Variants in SLC5A10 observed in about 807,000 individuals in gnomAD.
SLC5A10 encodes the protein solute carrier family 5 member 10, also known as sodium/mannose cotransporter SLC5A10.
SLC5A10 carries 55 observed loss-of-function variants against 68.9 expected under a neutral mutation model. That is an observed-to-expected ratio of 0.80 (90% CI 0.64 to 1.00). The LOEUF (loss-of-function observed/expected upper bound fraction) is 1.00, where lower values mean the gene tolerates loss of function less well. Among genes scored for constraint, SLC5A10 ranks in the 50% least tolerant of loss-of-function variants. The pLI, the probability that SLC5A10 is intolerant of heterozygous loss-of-function variation, is 0.00. For missense variants in SLC5A10, 732 were observed against 819.3 expected (o/e 0.89, Z 1.30); for synonymous variants, 344 against 344.8 (o/e 1.00, Z 0.02).
chr17:18,959,170 T>C lies in SLC5A10; in HGVS notation c.219T>C (p.Ser73=). Residue 73 remains serine, a synonymous_variant, in exon 3 of 15, where the codon TCT becomes TCC. Transcript: ENST00000395645. The stretch of plus-strand genomic sequence containing the variant: ...CCCTCTTCGCCAGCAGCGAGGGCTC[T>C]GGCCTCTTCATTGGACTGGCGGGCT... ...GASLFASSEG[S]GLFIGLAGSG... The C allele has an allele frequency of 1.2e-6, 2 of 1,613,918 alleles. No homozygotes were observed. Among genetic ancestry groups the C allele is most frequent in the Admixed American group, 1.7e-5 (1 of 60,032 alleles).
chr17:18,952,760 C>T (rs564844255), intron 1 of SLC5A10, among the ~76,000 whole-genome samples: 53 of 152,248 alleles, frequency 3.5e-4, no homozygotes, highest in Non-Finnish European at 5.9e-4. Context: ...TTATTTTGAA[C>T]AAGCTCCCTG....
Position 18,971,481 on chromosome 17 carries a change from C to G in SLC5A10, c.846+263C>G, listed in dbSNP as rs199997614. On this transcript the variant is annotated intron_variant, in intron 8 of 14. Transcript: ENST00000395645. The surrounding 1 kb of genome is among the most constrained non-coding windows in gnomAD (Gnocchi z 5.5). Reference sequence around the variant, plus strand: ...TGAGACAGTTTGGAGTATGGGATTCCGAAGGGACTCGGATGCTCCTCGGTG... The same window carrying G: ...TGAGACAGTTTGGAGTATGGGATTCGGAAGGGACTCGGATGCTCCTCGGTG... The G allele has an allele frequency of 4.3e-6, 7 of 1,613,892 alleles. No individual in the cohort carries two copies. Among genetic ancestry groups the G allele is most frequent in the Non-Finnish European group, 5.9e-6 (7 of 1,180,046 alleles).
At position 19,003,497 on chromosome 17, in the gene SLC5A10, C is replaced by A. The variant is rs1362571756; in HGVS notation, c.983-9913C>A. On this transcript the variant is annotated intron_variant, in intron 9 of 14. Coordinates refer to ENST00000395645, the MANE Select transcript of SLC5A10 (RefSeq NM_001042450.4). The surrounding 1 kb of genome is among the most constrained non-coding windows in gnomAD (Gnocchi z 4.5). ...CCGGTGGCTGGTTGGGCCATGGCTC[C>A]AGGAGTCCCCGCGCTGCCTCACCTT... is the stretch of plus-strand genomic sequence containing the variant. 6.6e-7 allele frequency: 1 copy of A among 1,514,990 alleles called. No individual in the cohort carries two copies. The allele number at this position is 1,514,990 out of a possible 1,614,324, so 93.8% of individuals were successfully genotyped here. A position where few individuals can be genotyped will look rare whatever the true frequency, so the allele number is the denominator to read the frequency against.
chr17:18,993,455 G>A (rs1284927409), intron 9 of SLC5A10, among the ~76,000 whole-genome samples: 1 of 152,140 alleles, frequency 6.6e-6, no homozygotes, highest in Non-Finnish European at 1.5e-5. Flanking sequence ...TTTCCAACCT[G>A]CACGTGACAA....
At chr17:19,016,834 C>T (rs1196283407) in intron 11 of SLC5A10, among the ~76,000 whole-genome samples, 2 of 152,194 alleles carry the variant, frequency 1.3e-5, no homozygotes, top group Admixed American at 6.5e-5. Context: ...TGTGTCTCCT[C>T]TGAGGCCAGA....
At position 18,971,706 on chromosome 17, in the gene SLC5A10, T is replaced by C; in HGVS notation, c.846+488T>C. ...GGTCCTGGGAAGCCGTCTTTATCCC[T>C]AGTCCCTGAGGCAGGGACCCTGTGA... On this transcript the variant is annotated intron_variant, in intron 8 of 14. Transcript: ENST00000395645. This position sits in a 1 kb window ranked among gnomAD's most constrained non-coding sequence, Gnocchi z 5.5. 1 of 1,601,098 alleles carries C rather than the reference T, an allele frequency of 6.2e-7. No individual in the cohort carries two copies. Among genetic ancestry groups the C allele is most frequent in the South Asian group, 1.1e-5 (1 of 90,010 alleles).
intron 5 of SLC5A10, among the ~76,000 whole-genome samples, chr17:18,966,704 C>T (rs2042714702): frequency 2.0e-5 from 3 of 148,810 alleles, no homozygotes; most frequent in South Asian, 2.1e-4. Context: ...GAGCCGAGAT[C>T]GCACCACTGC....
intron 5 of SLC5A10, among the ~76,000 whole-genome samples, chr17:18,966,154 G>A (rs2042704934): frequency 6.6e-6 from 1 of 152,200 alleles, no homozygotes. Context: ...GTCCTGCATG[G>A]GGAGGAAGGA....
chr17:18,991,597 C>A (rs1329216251), intron 9 of SLC5A10, among the ~76,000 whole-genome samples: 1 of 152,220 alleles, frequency 6.6e-6, no homozygotes, highest in Non-Finnish European at 1.5e-5. Flanking sequence ...TGGGTCCCAT[C>A]ACTGAGCTTG....
intron 9 of SLC5A10, among the ~76,000 whole-genome samples, chr17:19,005,687 T>A (rs555556041): frequency 9.5e-5 from 14 of 147,960 alleles, no homozygotes; most frequent in East Asian, 6.5e-4. Flanking sequence ...TCATGGCCCA[T>A]CAGGACTCCT....
intron 9 of SLC5A10, chr17:18,979,295 C>T (rs1045414342): frequency 2.4e-5 from 13 of 533,532 alleles, no homozygotes; most frequent in South Asian, 4.5e-5. Flanking sequence ...CATAGGCTTG[C>T]GAAGGCACGG....
At chr17:18,980,669 AG>A (rs1270744779) in intron 9 of SLC5A10, among the ~76,000 whole-genome samples, 1 of 152,150 alleles carries the variant, frequency 6.6e-6, no homozygotes, top group East Asian at 1.9e-4. Context: ...GGCAGACCCC[AG>A]GAAGGACAGG....
intron 9 of SLC5A10, among the ~76,000 whole-genome samples, chr17:18,990,252 C>G (rs146170982): frequency 6.6e-6 from 1 of 152,114 alleles, no homozygotes; most frequent in Non-Finnish European, 1.5e-5. Context: ...CTGCTTGGAG[C>G]GGGGGTAGAT....
rs757082140 is a variant in SLC5A10 at position 18,973,438 on chromosome 17, G to A, written c.846+2220G>A. Among the ~76,000 whole-genome samples, 78 of 152,372 alleles carry A rather than the reference G, an allele frequency of 5.1e-4. 1 individual carries two copies. The highest frequency in any genetic ancestry group is 9.0e-4 in the Non-Finnish European group (61 of 68,034). ...CAGGACACCAACCAGCATTGGAGCT[G>A]TAGCCTGGCCTCTGCCCTACCTCCC... On this transcript the variant is annotated intron_variant, in intron 8 of 14. Transcript: ENST00000395645.
At chr17:19,009,995 G>C (rs918441070) in intron 9 of SLC5A10, among the ~76,000 whole-genome samples, 4 of 152,058 alleles carry the variant, frequency 2.6e-5, no homozygotes, top group Non-Finnish European at 4.4e-5. Flanking sequence ...GTCCAGGAGA[G>C]CCTGGGGTGC....
In SLC5A10 at chr17:19,003,940, C is replaced by T. The variant is rs758283958; in HGVS notation, c.983-9470C>T. The T allele has an allele frequency of 6.2e-6, 10 of 1,612,788 alleles. No individual in the cohort carries two copies. The highest frequency in any genetic ancestry group is 8.5e-6 in the Non-Finnish European group (10 of 1,179,940). ...GGCCGCGGGCCACCAGGGCCTCCAG[C>T]GCCAGCCGCTGCTCCTCGCTGTAGA... On this transcript the variant is annotated intron_variant, in intron 9 of 14. Coordinates refer to ENST00000395645, the MANE Select transcript of SLC5A10 (RefSeq NM_001042450.4). This position sits in a 1 kb window ranked among gnomAD's most constrained non-coding sequence, Gnocchi z 4.5.
Position 18,971,062 on chromosome 17 carries a change from G to C in SLC5A10, c.690G>C (p.Gln230His), listed in dbSNP as rs1237612957. The part of the protein sequence containing the change: ...GYGQLEAAYA[Q>H]AIPSRTIANT... ...GGCAGCTGGAGGCAGCCTACGCCCA[G>C]GCCATTCCCTCCAGGACCATTGCCA... The change falls in exon 8 of 15, where the codon CAG (glutamine) becomes CAC (histidine). Residue 230 changes from glutamine (Q) to histidine (H), a missense_variant. Coordinates refer to ENST00000395645, the MANE Select transcript of SLC5A10 (RefSeq NM_001042450.4). The surrounding 1 kb of genome is among the most constrained non-coding windows in gnomAD (Gnocchi z 5.5). The C allele has an allele frequency of 6.8e-6, 11 of 1,613,934 alleles. No individual in the cohort carries two copies. Among genetic ancestry groups the C allele is most frequent in the Non-Finnish European group, 9.3e-6 (11 of 1,180,028 alleles).
chr17:18,987,157 T>C (rs1043665936), intron 9 of SLC5A10, among the ~76,000 whole-genome samples: 1 of 152,222 alleles, frequency 6.6e-6, no homozygotes, highest in African/African-American at 2.4e-5. Flanking sequence ...GCGGTGCCCC[T>C]TCTCCTAGGA....
At chr17:18,989,190 C>G (rs1291878017) in intron 9 of SLC5A10, among the ~76,000 whole-genome samples, 3 of 140,678 alleles carry the variant, frequency 2.1e-5, no homozygotes, top group African/African-American at 7.7e-5. Context: ...CCGAGCCTGG[C>G]ACCACCATCC....
Sources: gnomAD v4.1 joint callset for allele counts (sites outside exome capture counted in the v4.1 genomes callset) on GRCh38, gnomAD v4.1.1 for gene constraint, Gnocchi (gnomAD v3.1) non-coding constraint, MANE v1.5 for transcripts, NCBI Gene and HGNC (gene_info 2026-07-23, HGNC 2026-07-21) for gene names.